The following RIN2 variants were observed in gnomAD, a reference collection of about 807,000 sequenced individuals.
RIN2 encodes RAB5 interacting protein 2.
RIN2 carries 36 observed loss-of-function variants against 78.0 expected under a neutral mutation model. The ratio of observed to expected loss-of-function variants is 0.46; its 90% CI spans 0.35 to 0.61. The LOEUF is 0.61. Ranked by LOEUF, RIN2 falls within the 20% of genes least tolerant of loss-of-function variation. RIN2 has a pLI of 0.00. For missense variants in RIN2, 1,087 were observed against 1,159.7 expected, an observed-to-expected ratio of 0.94 and a Z score of 0.91; for synonymous variants, 466 against 466.8, an observed-to-expected ratio of 1.00 and a Z score of 0.02.
Position 19,871,755 on chromosome 20 carries a change from G to C in RIN2, c.-36-17811G>C, listed in dbSNP as rs988587785. On this transcript the variant is annotated intron_variant, in intron 2 of 12. Coordinates refer to ENST00000255006, the MANE Select transcript of RIN2 (RefSeq NM_018993.4). ...AGGTAGAACCAATGTACGCATCGCG[G>C]CTTCTCTAAGGAATCATAGGCAGGA... 12 of 152,314 alleles carry C rather than the reference G, an allele frequency of 7.9e-5. No homozygotes were observed. In the East Asian group the frequency reaches 2.3e-3, roughly 29 times the overall value. 9.4% of individuals were successfully genotyped at this position (152,314 alleles called of 1,614,324 possible).
chr20:19,892,607 G>T (rs1202366282), intron 3 of RIN2, among the ~76,000 whole-genome samples: 1 of 151,816 alleles, frequency 6.6e-6, no homozygotes, highest in South Asian at 2.1e-4. Flanking sequence ...GAGCTCCCAG[G>T]CTCAAGCAAT....
intron 2 of RIN2, among the ~76,000 whole-genome samples, chr20:19,833,106 G>T (rs1210514108): frequency 6.6e-6 from 1 of 152,074 alleles, no homozygotes; most frequent in African/African-American, 2.4e-5. Context: ...CTCACCTTCT[G>T]CCTCTAACAG....
rs368105113 is a variant in RIN2 at position 19,808,541 on chromosome 20, A to G, written c.-37+8794A>G. ...CATTTTCTATTTGCACAGCAAAATCAGGGACACAGTTTTCTAAAGCACGAG... is the reference window on the plus strand; with the variant it reads ...CATTTTCTATTTGCACAGCAAAATCGGGGACACAGTTTTCTAAAGCACGAG... On this transcript the variant is annotated intron_variant, in intron 2 of 12. Coordinates refer to ENST00000255006, the MANE Select transcript of RIN2 (RefSeq NM_018993.4). 2.0e-5 allele frequency among the ~76,000 whole-genome samples: 3 copies of G among 152,236 alleles called. No homozygotes were observed. The East Asian group carries it at 5.8e-4, about 29-fold the overall frequency.
At chr20:19,823,570 A>G (rs138481723) in intron 2 of RIN2, 79 of 1,473,880 alleles carry the variant, frequency 5.4e-5, no homozygotes, top group East Asian at 2.9e-4. Context: ...GGTTCCAGAG[A>G]GTTCTCTGGC....
intron 3 of RIN2, among the ~76,000 whole-genome samples, chr20:19,899,741 A>G (rs1319509584): frequency 1.3e-5 from 2 of 152,188 alleles, no homozygotes; most frequent in Non-Finnish European, 2.9e-5. Context: ...CACATGGCAA[A>G]TTAAACAGGA....
intron 3 of RIN2, among the ~76,000 whole-genome samples, chr20:19,915,811 A>G (rs1282108776): frequency 6.6e-6 from 1 of 152,192 alleles, no homozygotes; most frequent in African/African-American, 2.4e-5. Flanking sequence ...GACAAGCTCA[A>G]TTTACAGAAA....
At chr20:19,789,716 C>G (rs1160149673) in intron 1 of RIN2, among the ~76,000 whole-genome samples, 1 of 152,188 alleles carries the variant, frequency 6.6e-6, no homozygotes, top group East Asian at 1.9e-4. Context: ...GGTTCCCTGC[C>G]ATGTGCTTCA....
intron 1 of RIN2, among the ~76,000 whole-genome samples, chr20:19,770,858 C>G (rs2034084576): frequency 7.4e-6 from 1 of 134,906 alleles, no homozygotes; most frequent in Non-Finnish European, 1.6e-5. Context: ...GGCTGAGTCT[C>G]ACAAGACTGC....
intron 1 of RIN2, among the ~76,000 whole-genome samples, chr20:19,771,114 G>T (rs73901285): frequency 2.7e-3 from 416 of 152,302 alleles, no homozygotes; most frequent in African/African-American, 9.6e-3. Flanking sequence ...CTGAATGCAG[G>T]CCTTTGGCGT....
intron 3 of RIN2, chr20:19,896,055 A>G (rs1303464477): frequency 1.3e-5 from 2 of 152,218 alleles, no homozygotes; most frequent in Admixed American, 6.5e-5. Context: ...TTGTTTCCAG[A>G]TAAGTGGAAA....
At chr20:19,854,291 T>C (rs1473698414) in intron 2 of RIN2, among the ~76,000 whole-genome samples, 4 of 152,264 alleles carry the variant, frequency 2.6e-5, no homozygotes, top group Non-Finnish European at 5.9e-5. Context: ...AGCCTTGTAG[T>C]ATAGTTTGAA....
chr20:19,784,667 A>G (rs1299467888), intron 1 of RIN2, among the ~76,000 whole-genome samples: 1 of 152,174 alleles, frequency 6.6e-6, no homozygotes, highest in Non-Finnish European at 1.5e-5. Context: ...GTAAGTAGTG[A>G]GAGAAGTATC....
rs956107246 is a variant in RIN2, at chr20:19,846,253, A to C, written c.-36-43313A>C. ...TATGAAATTTAAAGTAGTTCTTTCT[A>C]ATTGTGTGAAGAAAGTCAATGGTAG... On this transcript the variant is annotated intron_variant, in intron 2 of 12. Coordinates refer to ENST00000255006, the MANE Select transcript of RIN2 (RefSeq NM_018993.4). 5.7e-4 allele frequency among the ~76,000 whole-genome samples: 86 copies of C among 152,162 alleles called. 1 individual carries two copies. Among genetic ancestry groups the C allele is most frequent in the Non-Finnish European group, 3.2e-4 (22 of 68,030 alleles).
chr20:19,937,823 G>A (rs1423556416), intron 4 of RIN2, among the ~76,000 whole-genome samples: 1 of 152,242 alleles, frequency 6.6e-6, no homozygotes, highest in South Asian at 2.1e-4. Flanking sequence ...CTCTGTAACA[G>A]CTGTGACAAC....
At chr20:19,812,954 G>C (rs767552913) in intron 2 of RIN2, among the ~76,000 whole-genome samples, 2 of 152,164 alleles carry the variant, frequency 1.3e-5, no homozygotes, top group African/African-American at 2.4e-5. Flanking sequence ...TTGTCCCTTT[G>C]GGTCTGATCA....
chr20:19,797,631 G>A (rs1213488810), intron 1 of RIN2, among the ~76,000 whole-genome samples: 1 of 152,170 alleles, frequency 6.6e-6, no homozygotes, highest in Non-Finnish European at 1.5e-5. Context: ...GTAGCTTAAT[G>A]TTTATTGGGA....
At chr20:19,775,435 A>G (rs538930760) in intron 1 of RIN2, among the ~76,000 whole-genome samples, 1 of 152,312 alleles carries the variant, frequency 6.6e-6, no homozygotes, top group East Asian at 1.9e-4. Flanking sequence ...TCAACTGCAG[A>G]GGATTTCTGA....
At position 19,977,564 on chromosome 20, in the gene RIN2, T is replaced by C. The variant is rs143032939; in HGVS notation, c.1762+1777T>C. On this transcript the variant is annotated intron_variant, in intron 9 of 12. Coordinates refer to ENST00000255006, the MANE Select transcript of RIN2 (RefSeq NM_018993.4). ...AACAGGCATCGTCATCCCTTAAGGA[T>C]TGGAGGAAGGCAAGGAGGGCTCTGC... Among the ~76,000 whole-genome samples, 113 of 152,254 alleles carry C rather than the reference T, an allele frequency of 7.4e-4. 3 individuals carry two copies. The highest frequency in any genetic ancestry group is 1.9e-3 in the African/African-American group (77 of 41,552).
In RIN2 at chr20:19,799,601, T is replaced by G. The variant is rs185301358; in HGVS notation, c.-162-21T>G. On this transcript the variant is annotated intron_variant, in intron 1 of 12. Coordinates refer to ENST00000255006, the MANE Select transcript of RIN2 (RefSeq NM_018993.4). ...TTTAATATACATACAAAACCCTGAA[T>G]GGTCAATTTTTGTGTTGTAGATGGA... 1.6e-4 allele frequency: 24 copies of G among 152,286 alleles called. No homozygotes were observed. In the East Asian group the frequency reaches 4.4e-3, roughly 28 times the overall value. 9.4% of individuals were successfully genotyped at this position (152,286 alleles called of 1,614,324 possible).
Sources: allele counts gnomAD v4.1 joint callset (sites outside exome capture counted in the v4.1 genomes callset), GRCh38; gene constraint gnomAD v4.1.1; transcripts MANE v1.5; gene names NCBI Gene and HGNC (gene_info 2026-07-23, HGNC 2026-07-21).